Variants in HORMAD2 observed in about 807,000 individuals in gnomAD.
HORMAD2 encodes the protein HORMA domain-containing protein 2.
HORMAD2 carries 45 observed loss-of-function variants against 38.8 expected under a neutral mutation model. That is an observed-to-expected ratio of 1.16 (90% CI 0.91 to 1.49). The LOEUF (loss-of-function observed/expected upper bound fraction) is 1.49. HORMAD2 is among the 40% of genes most tolerant of loss of function. The pLI is 0.00. For synonymous variants in HORMAD2, 126 were observed against 122.8 expected, an observed-to-expected ratio of 1.03 and a Z score of -0.17; for missense variants, 338 against 367.0, an observed-to-expected ratio of 0.92 and a Z score of 0.65.
chr22:30,202,536 A>G, the HORMAD2 span, among the ~76,000 whole-genome samples: 1 of 151,896 alleles, frequency 6.6e-6, no homozygotes, highest in Non-Finnish European at 1.5e-5. Context: ...CTCATGTCCA[A>G]CCCTCAGTGG....
intron 7 of HORMAD2, among the ~76,000 whole-genome samples, chr22:30,114,215 G>T (rs997017817): frequency 1.3e-5 from 2 of 152,112 alleles, no homozygotes; most frequent in African/African-American, 4.8e-5. Flanking sequence ...TATGACCCAG[G>T]AAAAAATATT....
At chr22:30,187,501 TTGTGTG>T in the HORMAD2 span, among the ~76,000 whole-genome samples, 130 of 147,750 alleles carry the variant, frequency 8.8e-4, no homozygotes, top group Middle Eastern at 3.5e-3. Context: ...TATATTTCCT[TTGTGTG>T]TGTGTGTGTG....
In HORMAD2 at chr22:30,088,080, C is replaced by T. The variant is rs185099705; in HGVS notation, c.-37-5836C>T. Among the ~76,000 whole-genome samples the T allele has an allele frequency of 1.3e-4, 20 of 151,046 alleles. No individual in the cohort carries two copies. In the East Asian group the frequency reaches 3.5e-3, roughly 27 times the overall value. On this transcript the variant is annotated intron_variant, in intron 1 of 10. Coordinates refer to ENST00000336726, the MANE Select transcript of HORMAD2 (RefSeq NM_152510.4). ...GTATACATATACACACACGTACACA[C>T]GTGTACATATACACACACGTACACA...
chr22:30,109,783 A>C (rs1921488219), intron 5 of HORMAD2, among the ~76,000 whole-genome samples: 2 of 152,246 alleles, frequency 1.3e-5, no homozygotes, highest in South Asian at 2.1e-4. Context: ...TTACTTTAGT[A>C]GATTAGTTTC....
chr22:30,126,417 T>A (rs899206608), intron 10 of HORMAD2, among the ~76,000 whole-genome samples: 4 of 152,182 alleles, frequency 2.6e-5, no homozygotes, highest in Admixed American at 6.5e-5. Flanking sequence ...TCAGCCCGCC[T>A]CGGCCTGCCA....
chr22:30,151,918 G>C (rs998066846), intron 10 of HORMAD2, among the ~76,000 whole-genome samples: 1 of 152,154 alleles, frequency 6.6e-6, no homozygotes, highest in Admixed American at 6.5e-5. Flanking sequence ...AGTAAGAAAG[G>C]AGAAAAATTT....
chr22:30,174,759 C>T (rs1161617193), intron 10 of HORMAD2, among the ~76,000 whole-genome samples: 3 of 152,118 alleles, frequency 2.0e-5, no homozygotes, highest in Non-Finnish European at 4.4e-5. Flanking sequence ...TTACCAGATA[C>T]TTTTTTCCTA....
At chr22:30,131,008 T>G (rs1923245658) in intron 10 of HORMAD2, among the ~76,000 whole-genome samples, 1 of 151,966 alleles carries the variant, frequency 6.6e-6, no homozygotes, top group South Asian at 2.1e-4. Flanking sequence ...TTCCCTGTCA[T>G]AGACAACTGG....
the HORMAD2 span, among the ~76,000 whole-genome samples, chr22:30,187,501 T>TTG: frequency 0.062 from 9,115 of 147,656 alleles, 419 homozygotes; most frequent in South Asian, 0.21. Context: ...TATATTTCCT[T>TTG]TGTGTGTGTG....
At chr22:30,115,798 TGAA>T (rs1921997234) in intron 7 of HORMAD2, among the ~76,000 whole-genome samples, 1 of 152,170 alleles carries the variant, frequency 6.6e-6, no homozygotes, top group African/African-American at 2.4e-5. Flanking sequence ...AAGTGGAGAA[TGAA>T]GAAGGAGGGA....
At chr22:30,114,709 G>T (rs1473758861) in intron 7 of HORMAD2, among the ~76,000 whole-genome samples, 1 of 152,206 alleles carries the variant, frequency 6.6e-6, no homozygotes, top group Non-Finnish European at 1.5e-5. Flanking sequence ...TGAAGAGTAT[G>T]TCATGGTATA....
At chr22:30,147,400 C>A (rs2146192854) in intron 10 of HORMAD2, among the ~76,000 whole-genome samples, 2 of 150,596 alleles carry the variant, frequency 1.3e-5, no homozygotes, top group South Asian at 2.1e-4. Context: ...AGTACTGGAA[C>A]AACTGGATAG....
chr22:30,097,935 T>C (rs1920923097), intron 2 of HORMAD2, among the ~76,000 whole-genome samples: 1 of 152,040 alleles, frequency 6.6e-6, no homozygotes, highest in Non-Finnish European at 1.5e-5. Flanking sequence ...GAAAATAGAT[T>C]TGAGAACTCT....
At chr22:30,180,285 T>C (rs1017028991), downstream of HORMAD2, among the ~76,000 whole-genome samples, 13 of 152,142 alleles carry the variant, frequency 8.5e-5, no homozygotes, top group African/African-American at 2.4e-4. Context: ...CTGCTTGAGA[T>C]AGCCAGAAAC....
the HORMAD2 span, among the ~76,000 whole-genome samples, chr22:30,187,909 G>C: frequency 6.6e-6 from 1 of 152,020 alleles, no homozygotes; most frequent in Non-Finnish European, 1.5e-5. Context: ...GTGGTGTGGG[G>C]GAGCCGCTGT....
At chr22:30,141,457 C>T (rs1924064312) in intron 10 of HORMAD2, among the ~76,000 whole-genome samples, 1 of 152,094 alleles carries the variant, frequency 6.6e-6, no homozygotes, top group Admixed American at 6.5e-5. Flanking sequence ...GATTTTGGTG[C>T]ACCCATCACC....
chr22:30,127,933 T>G (rs1202006349), intron 10 of HORMAD2, among the ~76,000 whole-genome samples: 2 of 152,180 alleles, frequency 1.3e-5, no homozygotes, highest in African/African-American at 4.8e-5. Context: ...TTGAAGTATT[T>G]CTCAAATCTA....
chr22:30,133,048 TA>T (rs956641897), intron 10 of HORMAD2, among the ~76,000 whole-genome samples: 7 of 152,206 alleles, frequency 4.6e-5, no homozygotes, highest in Non-Finnish European at 1.0e-4. Context: ...AATACAATGT[TA>T]TCATTACACC....
intron 2 of HORMAD2, among the ~76,000 whole-genome samples, chr22:30,094,509 A>G (rs180958502): frequency 2.6e-3 from 401 of 152,346 alleles, no homozygotes; most frequent in African/African-American, 9.0e-3. Flanking sequence ...TATGTAGTAT[A>G]ATATTCATTA....
Sources: gnomAD v4.1 joint callset for allele counts (sites outside exome capture counted in the v4.1 genomes callset) on GRCh38, gnomAD v4.1.1 for gene constraint, MANE v1.5 for transcripts, NCBI Gene and HGNC (gene_info 2026-07-23, HGNC 2026-07-21) for gene names.